SENP1: variants seen among roughly 807,000 people sequenced by gnomAD.
SENP1 encodes the protein SUMO specific peptidase 1, also known as sentrin-specific protease 1.
A neutral mutation model predicts 93.0 loss-of-function variants in SENP1; 21 were observed. The observed-to-expected ratio is 0.23, with a 90% CI of 0.16 to 0.33. The LOEUF (loss-of-function observed/expected upper bound fraction) is 0.33. Among genes scored for constraint, SENP1 ranks in the 10% least tolerant of loss-of-function variants. The pLI, the probability that SENP1 is intolerant of heterozygous loss-of-function variation, is 1.00. For synonymous variants in SENP1, 256 were observed against 259.6 expected, an observed-to-expected ratio of 0.99 and a Z score of 0.13; for missense variants, 591 against 758.7, an observed-to-expected ratio of 0.78 and a Z score of 2.60.
At chr12:48,105,732 T>C (rs2137442732) in intron 1 of SENP1, 4 of 517,750 alleles carry the variant, frequency 7.7e-6, no homozygotes, top group Non-Finnish European at 1.4e-5. Flanking sequence ...GGCTGGGCGC[T>C]GGGATGGGGC....
intron 11 of SENP1, 75 bp downstream of exon 11, chr12:48,065,521 C>T: frequency 1.0e-6 from 1 of 971,006 alleles, no homozygotes; most frequent in Non-Finnish European, 1.6e-6. Context: ...TTACCCAAAT[C>T]TGGGTAACTT....
intron 6 of SENP1, among the ~76,000 whole-genome samples, chr12:48,081,738 T>C (rs554922079): frequency 1.3e-5 from 2 of 151,176 alleles, no homozygotes; most frequent in South Asian, 4.2e-4. Context: ...ACCCAGCTAA[T>C]TTTTTTTTGT....
chr12:48,101,588 G>A, intron 1 of SENP1, 72 bp from the exon 2 acceptor site: 2 of 754,150 alleles, frequency 2.7e-6, no homozygotes, highest in East Asian at 2.7e-5. Context: ...AGAAGGTGCA[G>A]CCACTAGAAG....
At chr12:48,082,160 A>T (rs1944537101) in intron 6 of SENP1, among the ~76,000 whole-genome samples, 1 of 151,976 alleles carries the variant, frequency 6.6e-6, no homozygotes. Context: ...AAGTGCTGGG[A>T]TTACAGGCAT....
intron 8 of SENP1, among the ~76,000 whole-genome samples, chr12:48,073,160 T>C (rs1943828911): frequency 6.6e-6 from 1 of 152,222 alleles, no homozygotes. Flanking sequence ...AGAGTATTTA[T>C]TACATGGTAC....
chr12:48,047,410 A>G (rs1941451547), intron 15 of SENP1, among the ~76,000 whole-genome samples: 1 of 152,202 alleles, frequency 6.6e-6, no homozygotes, highest in South Asian at 2.1e-4. Flanking sequence ...CTAATGGAAG[A>G]AAAGTGTTTT....
chr12:48,084,970 C>T (rs376102581), intron 5 of SENP1: 8 of 634,770 alleles, frequency 1.3e-5, no homozygotes, highest in African/African-American at 1.1e-4. Context: ...GCATAATTCT[C>T]TTTAAGTCTT....
intron 4 of SENP1, among the ~76,000 whole-genome samples, chr12:48,093,640 T>C (rs541416448): frequency 6.6e-6 from 1 of 151,204 alleles, no homozygotes; most frequent in Non-Finnish European, 1.5e-5. Flanking sequence ...TTTTCAGAGG[T>C]TTTTGGATTT....
intron 2 of SENP1, among the ~76,000 whole-genome samples, chr12:48,100,577 G>A (rs1945855546): frequency 6.6e-6 from 1 of 152,068 alleles, no homozygotes; most frequent in Non-Finnish European, 1.5e-5. Flanking sequence ...AGAGGTTGCA[G>A]TGAGCTGAGA....
At chr12:48,061,079 C>T (rs1942928737) in intron 13 of SENP1, among the ~76,000 whole-genome samples, 1 of 152,106 alleles carries the variant, frequency 6.6e-6, no homozygotes, top group South Asian at 2.1e-4. Flanking sequence ...ACAGGGTATC[C>T]TAATGGCTTT....
At chr12:48,097,919 T>C (rs1201799475) in intron 3 of SENP1, 75 bp downstream of exon 3, 1 of 1,379,734 alleles carries the variant, frequency 7.2e-7, no homozygotes, top group South Asian at 1.4e-5. Flanking sequence ...GAGTGTGGCA[T>C]TTAAACTACA....
chr12:48,070,185 A>G (rs1360917052), intron 9 of SENP1, among the ~76,000 whole-genome samples: 2 of 152,186 alleles, frequency 1.3e-5, no homozygotes, highest in African/African-American at 4.8e-5. Flanking sequence ...CAAAAAGAAC[A>G]CTGAATGTGA....
At chr12:48,079,380 T>C (rs1280949336) in intron 6 of SENP1, among the ~76,000 whole-genome samples, 1 of 151,736 alleles carries the variant, frequency 6.6e-6, no homozygotes. Flanking sequence ...CCGCCTGTAG[T>C]CCCAGCTACT....
At chr12:48,048,690 A>G (rs1941558295) in intron 14 of SENP1, among the ~76,000 whole-genome samples, 1 of 152,190 alleles carries the variant, frequency 6.6e-6, no homozygotes, top group Non-Finnish European at 1.5e-5. Flanking sequence ...AAGGCTGCTT[A>G]GACACCCTAT....
chr12:48,093,280 GTTTTTTT>G (rs374804144), intron 4 of SENP1, among the ~76,000 whole-genome samples: 2 of 126,538 alleles, frequency 1.6e-5, no homozygotes, highest in Non-Finnish European at 3.2e-5. Flanking sequence ...TTCAGGTGAG[GTTTTTTT>G]TTTTTTTTTT....
Position 48,045,361 on chromosome 12 carries a change from C to G in SENP1, c.1896G>C (p.Lys632Asn). The G allele has an allele frequency of 1.2e-6, 2 of 1,613,728 alleles. No homozygotes were observed. Among genetic ancestry groups the G allele is most frequent in the Non-Finnish European group, 1.7e-6 (2 of 1,179,754 alleles). Residue 632 changes from lysine to asparagine, a missense_variant, in exon 18 of 18, where the codon AAG becomes AAC. This residue lies in a region of SENP1 where 132 missense variants were observed against 230.1 expected (regional missense o/e 0.57). Transcript: ENST00000549518. ...GGTGGAGGATCTCCCAGACCATCCG[C>G]TTCCGGAAGTATGGCATGTGTTGCT... ...FTQQHMPYFR[K>N]RMVWEILHRK...
intron 5 of SENP1, among the ~76,000 whole-genome samples, 162 bp from the exon 6 acceptor site, chr12:48,083,924 T>C (rs772573604): frequency 2.0e-4 from 30 of 152,308 alleles, no homozygotes; most frequent in Non-Finnish European, 4.0e-4. Flanking sequence ...ATAAATGATA[T>C]ATAAGGATGC....
chr12:48,049,297 G>C (rs750186039), intron 13 of SENP1, among the ~76,000 whole-genome samples, 165 bp from the exon 14 acceptor site: 25 of 152,168 alleles, frequency 1.6e-4, no homozygotes, highest in Non-Finnish European at 2.6e-4. Context: ...TGACTAGAAG[G>C]GGGAAGGCTG....
intron 5 of SENP1, among the ~76,000 whole-genome samples, chr12:48,086,041 AG>A (rs1250027187): frequency 2.0e-5 from 3 of 152,234 alleles, no homozygotes; most frequent in Admixed American, 1.3e-4. Context: ...GCAAGCTTAA[AG>A]GGCTTCCACT....
Sources: gnomAD v4.1 joint callset for allele counts (sites outside exome capture counted in the v4.1 genomes callset) on GRCh38, gnomAD v4.1.1 for gene constraint, gnomAD v4.1.1 regional missense constraint, MANE v1.5 for transcripts, NCBI Gene and HGNC (gene_info 2026-07-23, HGNC 2026-07-21) for gene names.